Variants in CTNNA3 observed in about 807,000 individuals in gnomAD.
CTNNA3 encodes the protein catenin alpha 3.
In CTNNA3, 76 loss-of-function variants were observed where a neutral mutation model predicts 95.7. That is an observed-to-expected ratio of 0.79 (90% CI 0.66 to 0.96). CTNNA3 has a LOEUF of 0.96. CTNNA3 is among the 40% of genes least tolerant of loss of function. The pLI is 0.00. For missense variants in CTNNA3, 1,191 were observed against 1,089.8 expected, an observed-to-expected ratio of 1.09 and a Z score of -1.31; for synonymous variants, 431 against 374.4, an observed-to-expected ratio of 1.15 and a Z score of -1.74.
intron 13 of CTNNA3, among the ~76,000 whole-genome samples, chr10:66,170,842 T>C (rs577264219): frequency 6.6e-6 from 1 of 151,872 alleles, no homozygotes; most frequent in African/African-American, 2.4e-5. Flanking sequence ...GAAAGAAATA[T>C]CTAACAAGGG....
intron 3 of CTNNA3, among the ~76,000 whole-genome samples, chr10:67,568,297 C>A (rs1314554444): frequency 1.3e-5 from 2 of 151,154 alleles, no homozygotes; most frequent in Admixed American, 6.6e-5. Flanking sequence ...TCAGAGAAAA[C>A]CATTACTTCC....
At chr10:67,627,118 G>C (rs1360832166) in intron 2 of CTNNA3, among the ~76,000 whole-genome samples, 3 of 152,072 alleles carry the variant, frequency 2.0e-5, no homozygotes, top group Non-Finnish European at 4.4e-5. Context: ...TGGCTGCTGG[G>C]CTCCCAAAAG....
intron 11 of CTNNA3, among the ~76,000 whole-genome samples, chr10:66,482,168 C>T (rs1023577156): frequency 5.3e-5 from 8 of 152,128 alleles, no homozygotes; most frequent in Non-Finnish European, 1.2e-4. Flanking sequence ...TTATGTCTAA[C>T]GCAGACTGTC....
intron 1 of CTNNA3, among the ~76,000 whole-genome samples, chr10:67,758,122 C>A (rs910553018): frequency 2.6e-5 from 4 of 151,986 alleles, no homozygotes; most frequent in African/African-American, 9.7e-5. Flanking sequence ...TCTTTTCCTG[C>A]CCCCAGACAT....
chr10:65,973,212 A>G (rs956698033), intron 16 of CTNNA3, among the ~76,000 whole-genome samples: 1 of 152,196 alleles, frequency 6.6e-6, no homozygotes, highest in Non-Finnish European at 1.5e-5. Context: ...AACATGAATT[A>G]AAGATTTAAA....
At chr10:66,168,106 T>C (rs552350222) in intron 13 of CTNNA3, among the ~76,000 whole-genome samples, 27 of 152,310 alleles carry the variant, frequency 1.8e-4, no homozygotes, top group African/African-American at 5.8e-4. Context: ...TCATGCAACA[T>C]TAAAAAGAGC....
chr10:67,139,661 C>T (rs1860460525), intron 7 of CTNNA3, among the ~76,000 whole-genome samples: 1 of 152,116 alleles, frequency 6.6e-6, no homozygotes, highest in Non-Finnish European at 1.5e-5. Flanking sequence ...GATTTGCCCG[C>T]CTCAGCCTCC....
intron 7 of CTNNA3, among the ~76,000 whole-genome samples, chr10:66,895,677 G>A (rs778404638): frequency 3.9e-5 from 6 of 151,942 alleles, no homozygotes; most frequent in South Asian, 2.1e-4. Flanking sequence ...AGTTTTCCTC[G>A]TTTATAAAAT....
At chr10:66,262,122 A>G (rs1402599161) in intron 13 of CTNNA3, among the ~76,000 whole-genome samples, 1 of 152,028 alleles carries the variant, frequency 6.6e-6, no homozygotes, top group Non-Finnish European at 1.5e-5. Context: ...ATTTGGAGTC[A>G]GGAGACCTGA....
intron 15 of CTNNA3, among the ~76,000 whole-genome samples, chr10:65,994,688 T>C: frequency 6.6e-6 from 1 of 152,138 alleles, no homozygotes. Context: ...AATCTGGATG[T>C]TCATATCTCT....
intron 5 of CTNNA3, among the ~76,000 whole-genome samples, chr10:67,419,412 T>C (rs1845664530): frequency 6.6e-6 from 1 of 151,688 alleles, no homozygotes; most frequent in Non-Finnish European, 1.5e-5. Context: ...AGATTTGTTA[T>C]GTGGGAATAT....
rs1288346061 is a variant in CTNNA3, at chr10:67,726,688, T to TATAC, written c.-2+36745_-2+36746insGTAT. Among the ~76,000 whole-genome samples, 13 of 66,780 alleles carry TATAC rather than the reference T, an allele frequency of 1.9e-4. No homozygotes were observed. The Admixed American group carries it at 2.1e-3, about 11-fold the overall frequency. 43.8% of individuals were successfully genotyped at this position (66,780 alleles called of 152,430 possible). On this transcript the variant is annotated intron_variant, in intron 1 of 17. Transcript: ENST00000684154. The stretch of plus-strand genomic sequence containing the variant: ...ATTATATTAATTATATAATATATGA[T>TATAC]GTATTATATATAATATATATCATAT...
intron 12 of CTNNA3, among the ~76,000 whole-genome samples, chr10:66,343,148 C>T (rs2092470327): frequency 6.6e-6 from 1 of 151,956 alleles, no homozygotes; most frequent in Non-Finnish European, 1.5e-5. Context: ...AGTACAGCCA[C>T]TATGGAGAAG....
At chr10:66,067,544 T>C (rs185399809) in intron 15 of CTNNA3, among the ~76,000 whole-genome samples, 13 of 152,316 alleles carry the variant, frequency 8.5e-5, no homozygotes, top group Admixed American at 4.6e-4. Context: ...TAAATAAATT[T>C]ATATGTTTTT....
At chr10:67,370,767 T>C (rs1002285664) in intron 5 of CTNNA3, among the ~76,000 whole-genome samples, 4 of 152,196 alleles carry the variant, frequency 2.6e-5, no homozygotes, top group Non-Finnish European at 5.9e-5. Context: ...GTACATATAA[T>C]GTTTTCAACT....
At chr10:66,919,313 G>A (rs1227301540) in intron 7 of CTNNA3, among the ~76,000 whole-genome samples, 1 of 151,992 alleles carries the variant, frequency 6.6e-6, no homozygotes, top group Non-Finnish European at 1.5e-5. Context: ...TTTTGCGTAT[G>A]CTTTACCTTT....
intron 1 of CTNNA3, among the ~76,000 whole-genome samples, chr10:67,726,872 ATATT>A (rs2133626621): frequency 8.7e-6 from 1 of 114,508 alleles, no homozygotes; most frequent in East Asian, 2.4e-4. Context: ...ATATAATTAT[ATATT>A]ATATATAATG....
chr10:65,996,250 G>A (rs1009044436), intron 15 of CTNNA3, among the ~76,000 whole-genome samples: 12 of 152,144 alleles, frequency 7.9e-5, no homozygotes, highest in African/African-American at 2.7e-4. Flanking sequence ...TGCTATCAGT[G>A]GGAGCAGCCC....
intron 17 of CTNNA3, among the ~76,000 whole-genome samples, chr10:65,965,314 C>T (rs1318338294): frequency 1.3e-5 from 2 of 151,220 alleles, no homozygotes; most frequent in African/African-American, 2.4e-5. Context: ...AATAAGTGAT[C>T]CATCTGGCAT....
Sources: gnomAD v4.1 joint callset for allele counts (sites outside exome capture counted in the v4.1 genomes callset) on GRCh38, gnomAD v4.1.1 for gene constraint, MANE v1.5 for transcripts, NCBI Gene and HGNC (gene_info 2026-07-23, HGNC 2026-07-21) for gene names.